The following PKN2 variants were observed in gnomAD, a reference collection of about 807,000 sequenced individuals.
PKN2 encodes the protein protein kinase N2.
Under a neutral mutation model 119.1 loss-of-function variants are expected in PKN2, and 38 were observed. The ratio of observed to expected loss-of-function variants is 0.32; its 90% CI spans 0.25 to 0.42. The LOEUF is 0.42. Ranked by LOEUF, PKN2 falls within the 10% of genes least tolerant of loss-of-function variation. The pLI is 1.00. For missense variants in PKN2, 850 were observed against 1,165.1 expected, an observed-to-expected ratio of 0.73 and a Z score of 3.94; for synonymous variants, 390 against 384.9, an observed-to-expected ratio of 1.01 and a Z score of -0.15.
chr1:88,692,876 C>T (rs1557542875), intron 1 of PKN2, among the ~76,000 whole-genome samples: 1 of 152,074 alleles, frequency 6.6e-6, no homozygotes, highest in African/African-American at 2.4e-5. Context: ...TAATTTACAT[C>T]GTTATCATCA....
rs1557645584 is a variant in PKN2, at chr1:88,835,719, A to G, written c.*2271A>G. Reference sequence around the variant, plus strand: ...ATTCAAATGAAATGTGCCTTTCACTATGTCATTCTAAGAAAACAAGTGTTT... The same window carrying G: ...ATTCAAATGAAATGTGCCTTTCACTGTGTCATTCTAAGAAAACAAGTGTTT... On this transcript the variant is annotated 3_prime_UTR_variant, in exon 22 of 22. Transcript: ENST00000370521. The G allele has an allele frequency of 6.6e-6, 1 of 152,384 alleles. No homozygotes were observed. The highest frequency in any genetic ancestry group is 2.4e-5 in the African/African-American group (1 of 41,400). The allele number at this position is 152,384 out of a possible 1,614,324, so 9.4% of individuals were successfully genotyped here. A position where few individuals can be genotyped will look rare whatever the true frequency, so the allele number is the denominator to read the frequency against.
rs142120395 is a variant in PKN2, at chr1:88,796,705, CAT to C, written c.1282-7685_1282-7684del. 5.1e-3 allele frequency among the ~76,000 whole-genome samples: 771 copies of C among 152,226 alleles called. 3 individuals are homozygous for C. Among genetic ancestry groups the C allele is most frequent in the African/African-American group, 0.017 (726 of 41,530 alleles). ...AATTGGTCAGCTCTCTGTTTTGTGT[CAT>C]TGTGCATATTGTATATGCCACTGTA... is the stretch of plus-strand genomic sequence containing the variant. On this transcript the variant is annotated intron_variant, in intron 8 of 21. Coordinates refer to ENST00000370521, the MANE Select transcript of PKN2 (RefSeq NM_006256.4).
chr1:88,770,576 A>AT, intron 4 of PKN2, 107 bp downstream of exon 4: 1 of 587,930 alleles, frequency 1.7e-6, no homozygotes, highest in South Asian at 2.6e-5. Context: ...CATTACTATT[A>AT]CTTTTTTTTT....
chr1:88,722,557 T>C (rs1462836954), intron 1 of PKN2, among the ~76,000 whole-genome samples: 1 of 152,118 alleles, frequency 6.6e-6, no homozygotes, highest in African/African-American at 2.4e-5. Flanking sequence ...GGAGAATCGC[T>C]TGAGCCAGGA....
intron 1 of PKN2, among the ~76,000 whole-genome samples, chr1:88,708,113 A>G (rs1307423263): frequency 6.6e-6 from 1 of 152,126 alleles, no homozygotes; most frequent in Non-Finnish European, 1.5e-5. Flanking sequence ...GAAATTATTC[A>G]TTATTAAGGC....
In PKN2 at chr1:88,836,050, T is replaced by A. The variant is rs2100947118; in HGVS notation, c.*2602T>A. ...GTAGCATCTTTTATTTGAAGCATAT[T>A]TATGGACTGCTTACTGTGTATAGAT... On this transcript the variant is annotated 3_prime_UTR_variant, in exon 22 of 22. Coordinates refer to ENST00000370521, the MANE Select transcript of PKN2 (RefSeq NM_006256.4). 6.6e-6 allele frequency: 1 copy of A among 152,232 alleles called. No homozygotes were observed. Among genetic ancestry groups the A allele is most frequent in the South Asian group, 2.1e-4 (1 of 4,824 alleles). The allele number at this position is 152,232 out of a possible 1,614,324, so 9.4% of individuals were successfully genotyped here.
At position 88,833,574 on chromosome 1, in the gene PKN2, C is replaced by A; in HGVS notation, c.*126C>A. On this transcript the variant is annotated 3_prime_UTR_variant, in exon 22 of 22. Coordinates refer to ENST00000370521, the MANE Select transcript of PKN2 (RefSeq NM_006256.4). The stretch of plus-strand genomic sequence containing the variant: ...TGTTGTTGTTGTTTTTATTGAAACA[C>A]GTGAAGATTTGTTTAAAAGTACCAT... The A allele has an allele frequency of 1.4e-6, 1 of 693,758 alleles. No homozygotes were observed. The highest frequency in any genetic ancestry group is 1.9e-5 in the South Asian group (1 of 53,290). 43.0% of individuals were successfully genotyped at this position (693,758 alleles called of 1,614,324 possible).
chr1:88,708,907 C>A (rs552289779), intron 1 of PKN2, among the ~76,000 whole-genome samples: 1 of 151,704 alleles, frequency 6.6e-6, no homozygotes, highest in African/African-American at 2.4e-5. Context: ...TATCTAATGG[C>A]CTTTGTGGTT....
intron 1 of PKN2, among the ~76,000 whole-genome samples, chr1:88,695,623 A>G (rs1329650029): frequency 6.6e-6 from 1 of 152,198 alleles, no homozygotes; most frequent in East Asian, 1.9e-4. Context: ...CTGTTCAACC[A>G]CGTGAGTTTC....
In PKN2 at chr1:88,836,018, A is replaced by G. The variant is rs1234134879; in HGVS notation, c.*2570A>G. The G allele has an allele frequency of 6.6e-6, 1 of 152,110 alleles. No homozygotes were observed. Among genetic ancestry groups the G allele is most frequent in the Non-Finnish European group, 1.5e-5 (1 of 67,976 alleles). 9.4% of individuals were successfully genotyped at this position (152,110 alleles called of 1,614,324 possible). Reference sequence around the variant, plus strand: ...GGAAAAGTTTGTATTCTGCTCCTGTAAGGTCAGTAGCATCTTTTATTTGAA... The same window carrying G: ...GGAAAAGTTTGTATTCTGCTCCTGTGAGGTCAGTAGCATCTTTTATTTGAA... On this transcript the variant is annotated 3_prime_UTR_variant, in exon 22 of 22. Coordinates refer to ENST00000370521, the MANE Select transcript of PKN2 (RefSeq NM_006256.4).
rs999306817 is a variant in PKN2 at position 88,833,727 on chromosome 1, A to T, written c.*279A>T. 6.1e-6 allele frequency: 2 copies of T among 325,236 alleles called. No homozygotes were observed. Among genetic ancestry groups the T allele is most frequent in the African/African-American group, 2.2e-5 (1 of 46,204 alleles). The allele number at this position is 325,236 out of a possible 1,614,324, so 20.1% of individuals were successfully genotyped here. A position where few individuals can be genotyped will look rare whatever the true frequency, so the allele number is the denominator to read the frequency against. ...AATCCATCACGAATACTTTTGGATC[A>T]ATAGTCTATTTTTAAAAAGAAAGAA... On this transcript the variant is annotated 3_prime_UTR_variant, in exon 22 of 22. Coordinates refer to ENST00000370521, the MANE Select transcript of PKN2 (RefSeq NM_006256.4).
At chr1:88,820,655 A>G (rs1393083065) in intron 16 of PKN2, among the ~76,000 whole-genome samples, 13 of 152,212 alleles carry the variant, frequency 8.5e-5, no homozygotes, top group Admixed American at 8.5e-4. Context: ...GAAAGTTTGG[A>G]ATAACATTAA....
At chr1:88,809,824 A>G (rs1412561329) in intron 15 of PKN2, among the ~76,000 whole-genome samples, 2 of 152,136 alleles carry the variant, frequency 1.3e-5, no homozygotes, top group Non-Finnish European at 2.9e-5. Flanking sequence ...TATGTTGTCC[A>G]GGCTGGTCTC....
chr1:88,758,038 C>CAAAAAAAAAAAAAAAAAAAAAAA (rs33914457), intron 2 of PKN2, among the ~76,000 whole-genome samples: 1 of 59,070 alleles, frequency 1.7e-5, no homozygotes, highest in Non-Finnish European at 3.0e-5. Flanking sequence ...GAGACTATCT[C>CAAAAAAAAAAAAAAAAAAAAAAA]AAAAAAAAAA....
chr1:88,812,744 A>G lies in PKN2; in HGVS notation c.2103-813A>G, dbSNP rs148912360. On this transcript the variant is annotated intron_variant, in intron 15 of 21. Transcript: ENST00000370521. ...CAGAGCAAGATCCTGTCTCAAAAAA[A>G]CACACAACTATAGACAATGAAGAGA... 1.3e-5 allele frequency among the ~76,000 whole-genome samples: 2 copies of G among 152,222 alleles called. 1 individual carries two copies. Among genetic ancestry groups the G allele is most frequent in the Non-Finnish European group, 2.9e-5 (2 of 68,016 alleles).
chr1:88,724,142 CTATT>C (rs1218035580), intron 1 of PKN2, among the ~76,000 whole-genome samples: 4 of 152,164 alleles, frequency 2.6e-5, no homozygotes, highest in African/African-American at 9.7e-5. Flanking sequence ...AGTTAGATAA[CTATT>C]TACTTAAGGA....
intron 8 of PKN2, among the ~76,000 whole-genome samples, chr1:88,799,565 T>C (rs786911): frequency 0.71 from 108,526 of 152,072 alleles, 39,736 homozygotes; most frequent in African/African-American, 0.88. Flanking sequence ...ATCCAAGAGC[T>C]AGGAGGAAAG....
chr1:88,752,101 C>G (rs146949975), intron 2 of PKN2, among the ~76,000 whole-genome samples: 1 of 152,208 alleles, frequency 6.6e-6, no homozygotes, highest in East Asian at 1.9e-4. Flanking sequence ...AATTGTTAGC[C>G]TCTGTCCCTT....
At chr1:88,734,550 TG>T (rs1668265243) in intron 1 of PKN2, among the ~76,000 whole-genome samples, 1 of 152,212 alleles carries the variant, frequency 6.6e-6, no homozygotes, top group South Asian at 2.1e-4. Flanking sequence ...TCCATTGATT[TG>T]TGTGTCTTTT....
Sources: allele counts gnomAD v4.1 joint callset (sites outside exome capture counted in the v4.1 genomes callset), GRCh38; gene constraint gnomAD v4.1.1; transcripts MANE v1.5; gene names NCBI Gene and HGNC (gene_info 2026-07-23, HGNC 2026-07-21).